Variants in KLF7 observed in about 807,000 individuals in gnomAD.
KLF7 encodes Krueppel-like factor 7.
In KLF7, 2 loss-of-function variants were observed where a neutral mutation model predicts 27.3. The observed-to-expected ratio is 0.07, with a 90% CI of 0.03 to 0.23. The LOEUF (loss-of-function observed/expected upper bound fraction) is 0.23. KLF7 is among the 10% of genes least tolerant of loss of function. KLF7 has a pLI of 1.00. For synonymous variants in KLF7, 165 were observed against 162.4 expected (o/e 1.02, Z -0.12); for missense variants, 221 against 394.1 (o/e 0.56, Z 3.72).
chr2:207,105,933 G>C (rs1222237219), intron 2 of KLF7, among the ~76,000 whole-genome samples: 26 of 152,130 alleles, frequency 1.7e-4, no homozygotes, highest in Admixed American at 1.7e-3. Flanking sequence ...GATTTTGAAG[G>C]CTTTCCAATA....
intron 1 of KLF7, among the ~76,000 whole-genome samples, chr2:207,153,383 AGTCAGACATTT>A (rs2078297638): frequency 6.6e-6 from 1 of 152,260 alleles, no homozygotes; most frequent in African/African-American, 2.4e-5. Context: ...AAAGGTTCAG[AGTCAGACATTT>A]TGTTTCTCAA....
At chr2:207,094,873 TAAC>T (rs1044879979) in intron 2 of KLF7, among the ~76,000 whole-genome samples, 18 of 152,236 alleles carry the variant, frequency 1.2e-4, no homozygotes, top group South Asian at 6.2e-4. Flanking sequence ...ACATTTATAA[TAAC>T]TACTACATAA....
upstream of KLF7, chr2:207,166,933 C>A: frequency 1.3e-6 from 1 of 799,432 alleles, no homozygotes; most frequent in East Asian, 4.3e-5. Flanking sequence ...CCGCCCCGCC[C>A]CGCGGGCGCC....
At chr2:207,100,946 C>T (rs1362568411) in intron 2 of KLF7, among the ~76,000 whole-genome samples, 1 of 152,168 alleles carries the variant, frequency 6.6e-6, no homozygotes, top group Non-Finnish European at 1.5e-5. Flanking sequence ...CGCACAAAGT[C>T]TAGCACAGGC....
chr2:207,093,072 G>A (rs2076547238), intron 2 of KLF7, among the ~76,000 whole-genome samples: 1 of 152,148 alleles, frequency 6.6e-6, no homozygotes, highest in African/African-American at 2.4e-5. Context: ...CTTTGAAAAT[G>A]TAAATCAGAG....
intron 2 of KLF7, among the ~76,000 whole-genome samples, chr2:207,111,700 C>T (rs948146505): frequency 6.6e-6 from 1 of 152,190 alleles, no homozygotes; most frequent in Non-Finnish European, 1.5e-5. Flanking sequence ...TGCCTGCACT[C>T]TCACTATTGT....
intron 2 of KLF7, among the ~76,000 whole-genome samples, chr2:207,094,795 A>T (rs752454085): frequency 8.6e-5 from 13 of 151,758 alleles, no homozygotes; most frequent in Non-Finnish European, 1.8e-4. Context: ...GGTCTTAAAT[A>T]TTTTTTTTCA....
chr2:207,121,096 C>T (rs2077328579), intron 2 of KLF7: 1 of 152,216 alleles, frequency 6.6e-6, no homozygotes, highest in African/African-American at 2.4e-5. Flanking sequence ...TGCAAGGTAA[C>T]TGCTTTCTAT....
intron 1 of KLF7, among the ~76,000 whole-genome samples, chr2:207,159,394 C>T (rs746023880): frequency 2.6e-5 from 4 of 152,200 alleles, no homozygotes; most frequent in Non-Finnish European, 4.4e-5. Flanking sequence ...CAGATAGGCA[C>T]AGGTCAGTGT....
Position 207,080,307 on chromosome 2 carries a change from A to G in KLF7, c.*906T>C, listed in dbSNP as rs959281170. ...TTCGTTAGCAAAAACGGAGAGATTA[A>G]AAAGAAAAAATCTAGCACTGGCAAT... On this transcript the variant is annotated 3_prime_UTR_variant, in exon 4 of 4. Transcript: ENST00000309446. 2.6e-5 allele frequency: 4 copies of G among 152,352 alleles called. No homozygotes were observed. The highest frequency in any genetic ancestry group is 4.4e-5 in the Non-Finnish European group (3 of 68,130). The allele number at this position is 152,352 out of a possible 1,614,324, so 9.4% of individuals were successfully genotyped here.
At chr2:207,130,850 A>C (rs905737363) in intron 1 of KLF7, among the ~76,000 whole-genome samples, 1 of 152,222 alleles carries the variant, frequency 6.6e-6, no homozygotes, top group Non-Finnish European at 1.5e-5. Flanking sequence ...TTAGTAAGTA[A>C]AAAAACAAAT....
intron 2 of KLF7, 101 bp from the exon 3 acceptor site, chr2:207,088,682 T>G (rs2302870): frequency 0.092 from 119,235 of 1,295,624 alleles, 5,790 homozygotes; most frequent in East Asian, 0.1. Flanking sequence ...GAAAGGGCTG[T>G]TTAACTCATT....
chr2:207,081,323 T>G (rs573963128), intron 3 of KLF7, 59 bp from the exon 4 acceptor site: 30 of 1,342,598 alleles, frequency 2.2e-5, no homozygotes, highest in South Asian at 1.4e-4. Context: ...TTGACTTGCA[T>G]CACTCCTTAG....
At chr2:207,116,980 T>C (rs1365381734) in intron 2 of KLF7, among the ~76,000 whole-genome samples, 1 of 152,154 alleles carries the variant, frequency 6.6e-6, no homozygotes, top group African/African-American at 2.4e-5. Context: ...TCCTCGGCAA[T>C]AAAGAGGGAC....
At chr2:207,156,131 A>G (rs1354596172) in intron 1 of KLF7, among the ~76,000 whole-genome samples, 3 of 152,138 alleles carry the variant, frequency 2.0e-5, no homozygotes, top group African/African-American at 7.2e-5. Context: ...CTTGCCAACC[A>G]TACCCCCATC....
At chr2:207,169,166 A>G (rs1315187343), upstream of KLF7, among the ~76,000 whole-genome samples, 1 of 152,184 alleles carries the variant, frequency 6.6e-6, no homozygotes, top group Non-Finnish European at 1.5e-5. Context: ...TCTTCTCCAC[A>G]AGTATTGCCT....
At chr2:207,144,396 A>G (rs544372743) in intron 1 of KLF7, among the ~76,000 whole-genome samples, 66 of 152,214 alleles carry the variant, frequency 4.3e-4, no homozygotes, top group Non-Finnish European at 9.1e-4. Context: ...GGTTACCGAC[A>G]AGTACCCAAA....
chr2:207,129,968 G>C (rs187331315), intron 1 of KLF7, among the ~76,000 whole-genome samples: 1 of 152,324 alleles, frequency 6.6e-6, no homozygotes, highest in Admixed American at 6.5e-5. Flanking sequence ...TCACAGCCTT[G>C]AGAACAATAT....
At chr2:207,137,985 A>T (rs1277803898) in intron 1 of KLF7, among the ~76,000 whole-genome samples, 1 of 152,210 alleles carries the variant, frequency 6.6e-6, no homozygotes, top group African/African-American at 2.4e-5. Flanking sequence ...AGGGAAAAAA[A>T]TCAAGTGCTG....
Sources: gnomAD v4.1 joint callset for allele counts (sites outside exome capture counted in the v4.1 genomes callset) on GRCh38, gnomAD v4.1.1 for gene constraint, MANE v1.5 for transcripts, NCBI Gene and HGNC (gene_info 2026-07-23, HGNC 2026-07-21) for gene names.